The following PAFAH1B1 variants were observed in gnomAD, a reference collection of about 807,000 sequenced individuals.
PAFAH1B1 encodes platelet-activating factor acetylhydrolase IB subunit beta.
In PAFAH1B1, 2 loss-of-function variants were observed where a neutral mutation model predicts 57.5. The observed-to-expected ratio is 0.03, with a 90% CI of 0.01 to 0.11. The LOEUF is 0.11. Ranked by LOEUF, PAFAH1B1 falls within the 10% of genes least tolerant of loss-of-function variation. The probability of loss-of-function intolerance (pLI) is 1.00; values close to 1 mark genes in which losing one functional copy is unlikely to be tolerated. For synonymous variants in PAFAH1B1, 152 were observed against 169.6 expected, an observed-to-expected ratio of 0.90 and a Z score of 0.81; for missense variants, 257 against 512.0, an observed-to-expected ratio of 0.50 and a Z score of 4.81.
chr17:2,621,410 T>A (rs1250184994), intron 1 of PAFAH1B1, among the ~76,000 whole-genome samples: 1 of 152,188 alleles, frequency 6.6e-6, no homozygotes, highest in Non-Finnish European at 1.5e-5. Context: ...AAACATCTGG[T>A]AACTTGCAAG....
Position 2,669,187 on chromosome 17 carries a change from A to T in PAFAH1B1, c.400-976A>T, listed in dbSNP as rs2069147070. ...TTACTGTCTGACCTAGGTATTATAA[A>T]ATGAGGACAGAATTTTTTTATATTA... On this transcript the variant is annotated intron_variant, in intron 5 of 10. Coordinates refer to ENST00000397195, the MANE Select transcript of PAFAH1B1 (RefSeq NM_000430.4). Among the ~76,000 whole-genome samples, 3 of 152,174 alleles carry T rather than the reference A, an allele frequency of 2.0e-5. No homozygotes were observed. The South Asian group carries it at 6.2e-4, about 32-fold the overall frequency.
chr17:2,641,205 A>C (rs997813125), intron 2 of PAFAH1B1: 2 of 151,882 alleles, frequency 1.3e-5, no homozygotes, highest in African/African-American at 2.4e-5. Context: ...GCTGGAGTGC[A>C]CAGAGTGCAG....
upstream of PAFAH1B1, chr17:2,593,605 C>T (rs2068046731): frequency 4.7e-6 from 1 of 214,156 alleles, no homozygotes. Flanking sequence ...GCGGCGGCGG[C>T]GGCGGCGGCG....
Position 2,674,191 on chromosome 17 carries a change from G to A in PAFAH1B1, c.803G>A (p.Cys268Tyr). ...GTATGGGTCGTAGCAACAAAGGAAT[G>A]CAAGGCTGAGCTCCGAGAGCATGAG... Reference protein sequence around the residue: ...VRVWVVATKECKAELREHEHV... With the variant: ...VRVWVVATKEYKAELREHEHV... The change falls in exon 8 of 11, where the codon TGC (cysteine) becomes TAC (tyrosine). Residue 268 changes from cysteine (C) to tyrosine (Y), a missense_variant. Coordinates refer to ENST00000397195, the MANE Select transcript of PAFAH1B1 (RefSeq NM_000430.4). 1 of 1,614,124 alleles carries A rather than the reference G, an allele frequency of 6.2e-7. No homozygotes were observed. Among genetic ancestry groups the A allele is most frequent in the Non-Finnish European group, 8.5e-7 (1 of 1,180,000 alleles).
In PAFAH1B1 at chr17:2,655,389, G is replaced by A. The variant is rs377745576; in HGVS notation, c.33-9983G>A. On this transcript the variant is annotated intron_variant, in intron 2 of 10. Coordinates refer to ENST00000397195, the MANE Select transcript of PAFAH1B1 (RefSeq NM_000430.4). ...TTGTATTAGAAAGAGAAGACACATCGTAGGCCAGGCACAGTGGCTCACTTC... is the reference window on the plus strand; with the variant it reads ...TTGTATTAGAAAGAGAAGACACATCATAGGCCAGGCACAGTGGCTCACTTC... 8.5e-5 allele frequency among the ~76,000 whole-genome samples: 13 copies of A among 152,140 alleles called. No homozygotes were observed. In the East Asian group the frequency reaches 9.7e-4, roughly 11 times the overall value.
chr17:2,665,219 G>A (rs908864394), intron 2 of PAFAH1B1, among the ~76,000 whole-genome samples, 153 bp from the exon 3 acceptor site: 1 of 152,090 alleles, frequency 6.6e-6, no homozygotes, highest in Non-Finnish European at 1.5e-5. Flanking sequence ...AGGCTTTGCG[G>A]GGGTGTCCTT....
intron 2 of PAFAH1B1, among the ~76,000 whole-genome samples, chr17:2,652,193 G>A (rs9908050): frequency 4.0e-5 from 6 of 149,334 alleles, no homozygotes; most frequent in Non-Finnish European, 7.4e-5. Context: ...GGCAAATCAC[G>A]AGGTCAGGAG....
At chr17:2,626,553 T>TCCCCCCCC (rs764519686) in intron 1 of PAFAH1B1, among the ~76,000 whole-genome samples, 2 of 32,700 alleles carry the variant, frequency 6.1e-5, no homozygotes, top group African/African-American at 1.9e-4. Flanking sequence ...TCACCTTTCT[T>TCCCCCCCC]CCCCCCCCCC....
rs1567532205 is a variant in PAFAH1B1, at chr17:2,621,605, GTC to G, written c.-190-16492_-190-16491del. ...GCTATTCAAGCATGGTAGATAATCTGTCTTTTTTTTTTTTTTTTTTTTTTTTT... is the reference window on the plus strand; with the variant it reads ...GCTATTCAAGCATGGTAGATAATCTGTTTTTTTTTTTTTTTTTTTTTTTTT... On this transcript the variant is annotated intron_variant, in intron 1 of 10. Coordinates refer to ENST00000397195, the MANE Select transcript of PAFAH1B1 (RefSeq NM_000430.4). 4.6e-4 allele frequency among the ~76,000 whole-genome samples: 43 copies of G among 93,206 alleles called. 2 individuals are homozygous for G. The highest frequency in any genetic ancestry group is 8.0e-4 in the African/African-American group (17 of 21,296). 61.1% of individuals were successfully genotyped at this position (93,206 alleles called of 152,430 possible).
chr17:2,653,632 A>AT (rs1190782024), intron 2 of PAFAH1B1, among the ~76,000 whole-genome samples: 4 of 152,270 alleles, frequency 2.6e-5, no homozygotes. Flanking sequence ...ACCTGTGTGA[A>AT]TTTGAATTTT....
intron 1 of PAFAH1B1, among the ~76,000 whole-genome samples, chr17:2,603,450 G>A (rs765137396): frequency 2.0e-5 from 3 of 152,006 alleles, no homozygotes; most frequent in African/African-American, 2.4e-5. Flanking sequence ...GTGAAACCCC[G>A]TCTCTACTAA....
intron 9 of PAFAH1B1, 151 bp downstream of exon 9, chr17:2,676,757 G>T (rs2069274478): frequency 4.5e-6 from 3 of 668,510 alleles, no homozygotes; most frequent in Non-Finnish European, 5.4e-6. Context: ...TTTTGTTGTT[G>T]TTATAGTGAT....
chr17:2,640,030 A>G (rs2068675863), intron 2 of PAFAH1B1: 1 of 152,118 alleles, frequency 6.6e-6, no homozygotes, highest in African/African-American at 2.4e-5. Flanking sequence ...ATTTTGTACC[A>G]TTTGCTTTAT....
intron 2 of PAFAH1B1, among the ~76,000 whole-genome samples, chr17:2,664,828 T>C (rs542247006): frequency 1.3e-5 from 2 of 152,306 alleles, no homozygotes; most frequent in East Asian, 3.9e-4. Context: ...TCTAAATGAA[T>C]GTCTCATTCT....
intron 2 of PAFAH1B1, among the ~76,000 whole-genome samples, chr17:2,657,267 A>G (rs1248264380): frequency 1.6e-4 from 24 of 152,124 alleles, no homozygotes; most frequent in Non-Finnish European, 2.9e-5. Context: ...TTTTGAGACA[A>G]GAGTCTCACT....
intron 1 of PAFAH1B1, among the ~76,000 whole-genome samples, chr17:2,629,489 A>G (rs771594121): frequency 1.3e-5 from 2 of 152,100 alleles, no homozygotes; most frequent in African/African-American, 2.4e-5. Context: ...TCTTAAATTT[A>G]TTGATGCTCG....
chr17:2,654,430 C>G (rs535386382), intron 2 of PAFAH1B1, among the ~76,000 whole-genome samples: 28 of 152,164 alleles, frequency 1.8e-4, no homozygotes, highest in Admixed American at 9.8e-4. Context: ...CCGCCTCAGC[C>G]TCTCAAAGTG....
chr17:2,602,196 A>G (rs1376859746), intron 1 of PAFAH1B1, among the ~76,000 whole-genome samples: 1 of 152,066 alleles, frequency 6.6e-6, no homozygotes, highest in East Asian at 1.9e-4. Flanking sequence ...GACTTGGGCT[A>G]AATAAGTGTT....
intron 9 of PAFAH1B1, among the ~76,000 whole-genome samples, chr17:2,679,205 TGTTA>T (rs2069323795): frequency 6.6e-6 from 1 of 152,258 alleles, no homozygotes; most frequent in African/African-American, 2.4e-5. Context: ...TTGCTTATGT[TGTTA>T]GATGCTCTTC....
Sources: gnomAD v4.1 joint callset for allele counts (sites outside exome capture counted in the v4.1 genomes callset) on GRCh38, gnomAD v4.1.1 for gene constraint, MANE v1.5 for transcripts, NCBI Gene and HGNC (gene_info 2026-07-23, HGNC 2026-07-21) for gene names.